Variants in RICTOR observed in about 807,000 individuals in gnomAD.
RICTOR encodes the protein RPTOR independent companion of MTOR complex 2.
RICTOR carries 49 observed loss-of-function variants against 214.9 expected under a neutral mutation model. The ratio of observed to expected loss-of-function variants is 0.23; its 90% CI spans 0.18 to 0.29. RICTOR has a LOEUF of 0.29. RICTOR is among the 10% of genes least tolerant of loss of function. The pLI is 1.00. For synonymous variants in RICTOR, 717 were observed against 711.3 expected (o/e 1.01, Z -0.13); for missense variants, 1,625 against 2,047.0 (o/e 0.79, Z 3.98).
chr5:39,045,885 C>A (rs1412765848), intron 2 of RICTOR, among the ~76,000 whole-genome samples: 2 of 151,864 alleles, frequency 1.3e-5, no homozygotes, highest in South Asian at 2.1e-4. Context: ...GGATTAGCAA[C>A]CTGAAAAATA....
chr5:38,938,182 G>A lies in RICTOR; in HGVS notation c.*4122C>T, dbSNP rs1747173178. 1 of 220,406 alleles carries A rather than the reference G, an allele frequency of 4.5e-6. No individual in the cohort carries two copies. The highest frequency in any genetic ancestry group is 5.8e-5 in the Admixed American group (1 of 17,282). The allele number at this position is 220,406 out of a possible 1,614,324, so 13.7% of individuals were successfully genotyped here. A position where few individuals can be genotyped will look rare whatever the true frequency, so the allele number is the denominator to read the frequency against. On this transcript the variant is annotated 3_prime_UTR_variant, in exon 38 of 38. Transcript: ENST00000357387. ...TATACAATATAAATCAGATTTCAAT[G>A]TCTGTTCAGTGACCTACAAACACCA...
chr5:38,952,896 T>C (rs1275178842), intron 29 of RICTOR, 89 bp downstream of exon 29: 17 of 726,926 alleles, frequency 2.3e-5, no homozygotes, highest in South Asian at 1.8e-4. Context: ...CAGTTATGCA[T>C]TGCACTTAAT....
At chr5:39,034,722 C>T (rs1580153107) in intron 2 of RICTOR, among the ~76,000 whole-genome samples, 1 of 151,988 alleles carries the variant, frequency 6.6e-6, no homozygotes, top group African/African-American at 2.4e-5. Flanking sequence ...TCATTGCTAG[C>T]ACAGCAGTCT....
intron 6 of RICTOR, among the ~76,000 whole-genome samples, chr5:38,992,423 T>G (rs565711936): frequency 1.3e-5 from 2 of 152,268 alleles, no homozygotes; most frequent in South Asian, 4.1e-4. Flanking sequence ...AAAATGCATG[T>G]AATATATTCT....
rs745589985 is a variant in RICTOR at position 38,950,013 on chromosome 5, G to C, written c.3835C>G (p.Leu1279Val). 66 of 1,613,396 alleles carry C rather than the reference G, an allele frequency of 4.1e-5. No homozygotes were observed. Among genetic ancestry groups the C allele is most frequent in the Non-Finnish European group, 5.3e-5 (62 of 1,179,620 alleles). ...YLTPQSNHLS[L>V]SKSNSVSLVP... Reference sequence around the variant, plus strand: ...AGGGACACCGAATTTGATTTGGAGAGAGACAGATGGTTAGACTGTGGCGTC... The same window carrying C: ...AGGGACACCGAATTTGATTTGGAGACAGACAGATGGTTAGACTGTGGCGTC... Residue 1279 changes from leucine (L) to valine (V), a missense_variant, in exon 31 of 38, where the codon CTC (leucine) becomes GTC (valine). Physicochemically the swap from Leu to Val is conservative, Grantham distance 32. Coordinates refer to ENST00000357387, the MANE Select transcript of RICTOR (RefSeq NM_152756.5).
chr5:38,964,707 C>A, intron 16 of RICTOR, 85 bp downstream of exon 16: 1 of 642,620 alleles, frequency 1.6e-6, no homozygotes. Context: ...CCTATCCATA[C>A]TATTTTTTTT....
At chr5:38,945,426 GAAAAGTA>G (rs929330100) in intron 34 of RICTOR, 58 bp downstream of exon 34, 4 of 1,151,968 alleles carry the variant, frequency 3.5e-6, no homozygotes, top group Admixed American at 4.4e-5. Context: ...AAGAAATTTG[GAAAAGTA>G]AACCAGAGAA....
intron 25 of RICTOR, among the ~76,000 whole-genome samples, chr5:38,957,367 G>A (rs1749346779): frequency 1.3e-5 from 2 of 152,002 alleles, no homozygotes; most frequent in Admixed American, 1.3e-4. Flanking sequence ...ATGATAAACA[G>A]GGCCAAAAAT....
chr5:38,958,925 G>A, intron 22 of RICTOR, 94 bp from the exon 23 acceptor site: 1 of 929,696 alleles, frequency 1.1e-6, no homozygotes, highest in South Asian at 2.4e-5. Flanking sequence ...TACTTGAAAA[G>A]GGAAGAATGC....
At chr5:39,045,258 A>G (rs1757412012) in intron 2 of RICTOR, among the ~76,000 whole-genome samples, 2 of 152,196 alleles carry the variant, frequency 1.3e-5, no homozygotes, top group African/African-American at 4.8e-5. Flanking sequence ...AATGACTATC[A>G]TTCAAAGAAA....
At chr5:39,034,875 C>A (rs1425852827) in intron 2 of RICTOR, among the ~76,000 whole-genome samples, 1 of 152,242 alleles carries the variant, frequency 6.6e-6, no homozygotes, top group Non-Finnish European at 1.5e-5. Flanking sequence ...CCTCTGTAGG[C>A]TCCACCTCTG....
Position 38,982,019 on chromosome 5 carries a change from C to A in RICTOR, c.601G>T (p.Val201Leu). The part of the protein sequence containing the change: ...ICELALQNPE[V>L]VALRGGLNTI... ...TTTAGTCCACCTCGAAGGGCCACCA[C>A]CTCTGGATTCTGAAGTGCTAAAAGA... The change falls in exon 8 of 38, where the codon GTG becomes TTG. Residue 201 changes from valine to leucine, a missense_variant. Transcript: ENST00000357387. 6.2e-7 allele frequency: 1 copy of A among 1,611,544 alleles called. No individual in the cohort carries two copies. The highest frequency in any genetic ancestry group is 8.5e-7 in the Non-Finnish European group (1 of 1,177,978).
intron 3 of RICTOR, among the ~76,000 whole-genome samples, chr5:39,006,750 GA>G (rs1754091303): frequency 1.1e-5 from 1 of 89,198 alleles, no homozygotes; most frequent in Admixed American, 1.0e-4. Flanking sequence ...GAGGAGGGGA[GA>G]GGAGGGGAGA....
Position 39,010,452 on chromosome 5 carries a change from G to A in RICTOR, c.196-6830C>T, listed in dbSNP as rs908893672. On this transcript the variant is annotated intron_variant, in intron 3 of 37. Coordinates refer to ENST00000357387, the MANE Select transcript of RICTOR (RefSeq NM_152756.5). ...GTGGGGCACTGCTGTAAAGATACAC[G>A]ACATGTGGAAGTGACTTTGGAACTG... 1.7e-4 allele frequency among the ~76,000 whole-genome samples: 26 copies of A among 152,132 alleles called. 1 individual carries two copies. The highest frequency in any genetic ancestry group is 1.6e-3 in the Admixed American group (25 of 15,272).
Position 38,981,722 on chromosome 5 carries a change from A to G in RICTOR, c.753+145T>C, listed in dbSNP as rs1579987696. ...TTCAGTCCAAACTGAATGATCTGTA[A>G]AACAGAGCTGGGAATAAATTAGTGT... On this transcript the variant is annotated intron_variant, in intron 8 of 37. Coordinates refer to ENST00000357387, the MANE Select transcript of RICTOR (RefSeq NM_152756.5). 5 of 554,754 alleles carry G rather than the reference A, an allele frequency of 9.0e-6. No homozygotes were observed. In the East Asian group the frequency reaches 1.2e-4, roughly 13 times the overall value. 34.4% of individuals were successfully genotyped at this position (554,754 alleles called of 1,614,324 possible).
intron 2 of RICTOR, 116 bp from the exon 3 acceptor site, chr5:39,021,252 C>A: frequency 1.4e-6 from 1 of 692,734 alleles, no homozygotes; most frequent in South Asian, 1.6e-5. Flanking sequence ...AAGTCTTACC[C>A]TCCACCCCAA....
At chr5:39,046,448 T>A (rs2150179208) in intron 2 of RICTOR, among the ~76,000 whole-genome samples, 1 of 151,512 alleles carries the variant, frequency 6.6e-6, no homozygotes, top group South Asian at 2.1e-4. Context: ...ACTTTTTTTT[T>A]TTTTTTGCCA....
intron 2 of RICTOR, among the ~76,000 whole-genome samples, chr5:39,040,341 T>A (rs1226985135): frequency 1.4e-5 from 2 of 138,468 alleles, no homozygotes; most frequent in Admixed American, 7.1e-5. Context: ...GGGGGAGGGA[T>A]AGCATTAGGA....
At chr5:38,967,044 G>A (rs577447770) in intron 14 of RICTOR, 117 bp downstream of exon 14, 27 of 792,654 alleles carry the variant, frequency 3.4e-5, no homozygotes, top group African/African-American at 1.2e-4. Context: ...GAAGTGATCC[G>A]CCTGCCTTGG....
Sources: allele counts gnomAD v4.1 joint callset (sites outside exome capture counted in the v4.1 genomes callset), GRCh38; gene constraint gnomAD v4.1.1; transcripts MANE v1.5; gene names NCBI Gene and HGNC (gene_info 2026-07-23, HGNC 2026-07-21).